The following AGAP1 variants were observed in gnomAD, a reference collection of about 807,000 sequenced individuals.
The protein encoded by AGAP1 is arf-GAP with GTPase, ANK repeat and PH domain-containing protein 1.
In AGAP1, 29 loss-of-function variants were observed where a neutral mutation model predicts 105.3. That is an observed-to-expected ratio of 0.28 (90% CI 0.21 to 0.38). The LOEUF is 0.38. AGAP1 is among the 10% of genes least tolerant of loss of function. The pLI is 1.00. For synonymous variants in AGAP1, 509 were observed against 485.9 expected (o/e 1.05, Z -0.63); for missense variants, 998 against 1,165.1 (o/e 0.86, Z 2.09).
intron 9 of AGAP1, among the ~76,000 whole-genome samples, chr2:235,817,769 T>C (rs1220822647): frequency 6.6e-6 from 1 of 152,098 alleles, no homozygotes; most frequent in African/African-American, 2.4e-5. Flanking sequence ...CGCATGCCTG[T>C]AATTCCAACT....
In AGAP1 at chr2:235,801,381, ATT is replaced by A. The variant is rs1357780999; in HGVS notation, c.957+1861_957+1862del. On this transcript the variant is annotated intron_variant, in intron 8 of 17. Coordinates refer to ENST00000304032, the MANE Select transcript of AGAP1 (RefSeq NM_001037131.3). The surrounding 1 kb of genome is among the most constrained non-coding windows in gnomAD (Gnocchi z 6.0). ...CTCACTCCATTGATGCTATAAAATGATTTCTGATCGTGTTAAGCATATGTGAT... is the reference window on the plus strand; with the variant it reads ...CTCACTCCATTGATGCTATAAAATGATCTGATCGTGTTAAGCATATGTGAT... Among the ~76,000 whole-genome samples, 1 of 152,038 alleles carries A rather than the reference ATT, an allele frequency of 6.6e-6. No homozygotes were observed.
At chr2:235,823,013 A>C (rs891432332) in intron 9 of AGAP1, among the ~76,000 whole-genome samples, 1 of 152,166 alleles carries the variant, frequency 6.6e-6, no homozygotes, top group Admixed American at 6.5e-5. Flanking sequence ...AAGCTTCACA[A>C]AGGCGCTGCC....
At chr2:235,604,149 A>T (rs35438790) in intron 1 of AGAP1, among the ~76,000 whole-genome samples, 27,217 of 142,164 alleles carry the variant, frequency 0.19, 2,876 homozygotes, top group Non-Finnish European at 0.25. Context: ...AATGGAATTT[A>T]AAAAAAAAAT....
At chr2:236,026,465 A>G (rs1250947714) in intron 13 of AGAP1, among the ~76,000 whole-genome samples, 1 of 152,238 alleles carries the variant, frequency 6.6e-6, no homozygotes, top group Non-Finnish European at 1.5e-5. Flanking sequence ...ACGGTTGCTC[A>G]TGCCTGTAAT....
Position 235,694,396 on chromosome 2 carries a change from G to A in AGAP1, c.164-14783G>A, listed in dbSNP as rs368622493. On this transcript the variant is annotated intron_variant, in intron 1 of 17. Transcript: ENST00000304032. ...TGGGAGGCTGAGGCAGAAGAATGGC[G>A]TGAACACGGGAGGCAGAGCTTGCAG... Among the ~76,000 whole-genome samples the A allele has an allele frequency of 9.3e-5, 14 of 151,124 alleles. No individual in the cohort carries two copies. In the South Asian group the frequency reaches 1.9e-3, roughly 20 times the overall value.
At chr2:235,903,292 T>C (rs1296703434) in intron 10 of AGAP1, among the ~76,000 whole-genome samples, 1 of 152,226 alleles carries the variant, frequency 6.6e-6, no homozygotes, top group Non-Finnish European at 1.5e-5. Flanking sequence ...TTTTGAAGTA[T>C]ACGTAAAAAT....
At chr2:235,573,049 TTCTTC>T (rs762320774) in intron 1 of AGAP1, among the ~76,000 whole-genome samples, 989 of 21,178 alleles carry the variant, frequency 0.047, 123 homozygotes, top group African/African-American at 0.098. Flanking sequence ...CTTCTTCTTC[TTCTTC>T]TTCTTCTTTC....
At position 235,769,362 on chromosome 2, in the gene AGAP1, G is replaced by T. The variant is rs1390958871; in HGVS notation, c.673+18874G>T. Among the ~76,000 whole-genome samples, 1 of 152,170 alleles carries T rather than the reference G, an allele frequency of 6.6e-6. No individual in the cohort carries two copies. The highest frequency in any genetic ancestry group is 2.4e-5 in the African/African-American group (1 of 41,438). On this transcript the variant is annotated intron_variant, in intron 6 of 17. Coordinates refer to ENST00000304032, the MANE Select transcript of AGAP1 (RefSeq NM_001037131.3). This position sits in a 1 kb window ranked among gnomAD's most constrained non-coding sequence, Gnocchi z 4.4. ...TGCTTTGAGTTTTCTTTTTCCTCCA[G>T]TGGCAAGGTTTGCGTGGTCTTCACT...
intron 13 of AGAP1, among the ~76,000 whole-genome samples, chr2:236,021,239 T>C (rs2056874362): frequency 6.6e-6 from 1 of 151,962 alleles, no homozygotes. Context: ...TAACTAGAAT[T>C]GACGTTTTGG....
chr2:236,079,839 C>A (rs140606128), intron 16 of AGAP1, among the ~76,000 whole-genome samples: 5 of 152,206 alleles, frequency 3.3e-5, no homozygotes, highest in Non-Finnish European at 5.9e-5. Flanking sequence ...AAGACTAACA[C>A]TCAAGGCACT....
Position 235,855,674 on chromosome 2 carries a change from C to T in AGAP1, c.1051-27671C>T, listed in dbSNP as rs944600270. ...CTTATCTCCACTGTGCTGGGAAGAC[C>T]GAGAGGCTGAGCAGCAGCTCCACTG... On this transcript the variant is annotated intron_variant, in intron 9 of 17. Coordinates refer to ENST00000304032, the MANE Select transcript of AGAP1 (RefSeq NM_001037131.3). The surrounding 1 kb of genome is among the most constrained non-coding windows in gnomAD (Gnocchi z 5.0). Among the ~76,000 whole-genome samples, 1 of 152,082 alleles carries T rather than the reference C, an allele frequency of 6.6e-6. No homozygotes were observed. Among genetic ancestry groups the T allele is most frequent in the Non-Finnish European group, 1.5e-5 (1 of 68,020 alleles).
Position 236,101,685 on chromosome 2 carries a change from G to A in AGAP1, c.2115-18507G>A, listed in dbSNP as rs1056813809. Among the ~76,000 whole-genome samples, 2 of 152,188 alleles carry A rather than the reference G, an allele frequency of 1.3e-5. No homozygotes were observed. Among genetic ancestry groups the A allele is most frequent in the Admixed American group, 6.5e-5 (1 of 15,276 alleles). ...TTATGATGCGATATGTTCCAAAGCC[G>A]ATCACATCAGCCGCTGTTATGGTGA... On this transcript the variant is annotated intron_variant, in intron 16 of 17. Coordinates refer to ENST00000304032, the MANE Select transcript of AGAP1 (RefSeq NM_001037131.3). The surrounding 1 kb of genome is among the most constrained non-coding windows in gnomAD (Gnocchi z 4.9).
chr2:235,543,828 G>A (rs1192252160), intron 1 of AGAP1, among the ~76,000 whole-genome samples: 1 of 152,174 alleles, frequency 6.6e-6, no homozygotes, highest in African/African-American at 2.4e-5. Flanking sequence ...CTGGCCCTAG[G>A]GGCTGTACTT....
At position 235,690,114 on chromosome 2, in the gene AGAP1, G is replaced by T. The variant is rs1029037711; in HGVS notation, c.164-19065G>T. On this transcript the variant is annotated intron_variant, in intron 1 of 17. Transcript: ENST00000304032. The surrounding 1 kb of genome is among the most constrained non-coding windows in gnomAD (Gnocchi z 4.1). ...TATTGACACTCTCTTCTCCCCAGGT[G>T]CTGAGTCCCCAGGTTCCCCTCTCCC... 1.3e-5 allele frequency among the ~76,000 whole-genome samples: 2 copies of T among 152,040 alleles called. No homozygotes were observed. Among genetic ancestry groups the T allele is most frequent in the Non-Finnish European group, 2.9e-5 (2 of 68,002 alleles).
intron 2 of AGAP1, among the ~76,000 whole-genome samples, chr2:235,709,655 G>A (rs1471443009): frequency 1.3e-5 from 2 of 152,098 alleles, no homozygotes; most frequent in African/African-American, 4.8e-5. Flanking sequence ...CTTCTGTCAT[G>A]AGTCACCAAG....
chr2:235,949,699 C>G (rs1401161541), intron 12 of AGAP1, among the ~76,000 whole-genome samples: 1 of 152,184 alleles, frequency 6.6e-6, no homozygotes, highest in African/African-American at 2.4e-5. Context: ...CCATTTTCCA[C>G]TTATCCTCGT....
In AGAP1 at chr2:235,692,565, C is replaced by G. The variant is rs548167913; in HGVS notation, c.164-16614C>G. 6.6e-6 allele frequency among the ~76,000 whole-genome samples: 1 copy of G among 150,418 alleles called. No homozygotes were observed. Among genetic ancestry groups the G allele is most frequent in the Non-Finnish European group, 1.5e-5 (1 of 68,002 alleles). On this transcript the variant is annotated intron_variant, in intron 1 of 17. Transcript: ENST00000304032. The surrounding 1 kb of genome is among the most constrained non-coding windows in gnomAD (Gnocchi z 5.8). ...GCCCTGCTGCCCCTATGCTCTCCCC[C>G]CTTGCCCTCCCCCCTTGCCTTCCTG...
At chr2:235,924,161 C>G (rs984745671) in intron 11 of AGAP1, among the ~76,000 whole-genome samples, 1 of 152,100 alleles carries the variant, frequency 6.6e-6, no homozygotes, top group Admixed American at 6.5e-5. Context: ...TACCTTAAGT[C>G]TAAGGTAGTA....
At chr2:235,763,869 A>C (rs1954673374) in intron 6 of AGAP1, among the ~76,000 whole-genome samples, 1 of 152,226 alleles carries the variant, frequency 6.6e-6, no homozygotes, top group Non-Finnish European at 1.5e-5. Flanking sequence ...CGTGGGACCC[A>C]GGCAGTCCTT....
Sources: allele counts gnomAD v4.1 joint callset (sites outside exome capture counted in the v4.1 genomes callset), GRCh38; gene constraint gnomAD v4.1.1; non-coding constraint Gnocchi (gnomAD v3.1); transcripts MANE v1.5; gene names NCBI Gene and HGNC (gene_info 2026-07-23, HGNC 2026-07-21).